The following FHIT variants were observed in gnomAD, a reference collection of about 807,000 sequenced individuals.
FHIT encodes fragile histidine triad diadenosine triphosphatase.
A neutral mutation model predicts 17.9 loss-of-function variants in FHIT; 19 were observed. The ratio of observed to expected loss-of-function variants is 1.06; its 90% confidence interval spans 0.74 to 1.56. FHIT has a LOEUF of 1.56. FHIT is among the 40% of genes most tolerant of loss of function. The pLI, the probability that FHIT is intolerant of heterozygous loss-of-function variation, is 0.00. For missense variants in FHIT, 248 were observed against 189.2 expected (o/e 1.31, Z -1.82); for synonymous variants, 81 against 69.7 (o/e 1.16, Z -0.81).
chr3:60,718,307 T>C (rs1436663248), intron 4 of FHIT, among the ~76,000 whole-genome samples: 1 of 152,210 alleles, frequency 6.6e-6, no homozygotes, highest in Non-Finnish European at 1.5e-5. Context: ...AAATGTCATG[T>C]CTCGTAATGA....
chr3:61,044,003 T>C (rs2033658196), intron 2 of FHIT, among the ~76,000 whole-genome samples: 1 of 151,916 alleles, frequency 6.6e-6, no homozygotes, highest in Admixed American at 6.5e-5. Context: ...AGACCAAAGG[T>C]ACATAAAACC....
intron 4 of FHIT, among the ~76,000 whole-genome samples, chr3:60,576,737 A>C (rs2037578210): frequency 6.6e-6 from 1 of 152,150 alleles, no homozygotes; most frequent in South Asian, 2.1e-4. Context: ...AGAAAGGTAC[A>C]ATCAGCCGGG....
At chr3:61,064,775 C>T (rs776231497) in intron 2 of FHIT, among the ~76,000 whole-genome samples, 1 of 152,142 alleles carries the variant, frequency 6.6e-6, no homozygotes, top group Non-Finnish European at 1.5e-5. Context: ...GACTAAATTG[C>T]TCTCACAGTT....
intron 4 of FHIT, among the ~76,000 whole-genome samples, chr3:60,802,725 T>A (rs782077533): frequency 2.6e-5 from 4 of 152,040 alleles, no homozygotes; most frequent in Non-Finnish European, 5.9e-5. Flanking sequence ...AAACCTAATA[T>A]GCTGCCTTCA....
At chr3:60,176,946 A>G (rs1473581603) in intron 5 of FHIT, among the ~76,000 whole-genome samples, 2 of 152,180 alleles carry the variant, frequency 1.3e-5, no homozygotes, top group Non-Finnish European at 2.9e-5. Flanking sequence ...AGGAGGGCAA[A>G]GCAAGGAGAA....
intron 5 of FHIT, among the ~76,000 whole-genome samples, chr3:60,402,055 T>A (rs1281217764): frequency 2.0e-5 from 3 of 151,928 alleles, no homozygotes; most frequent in Non-Finnish European, 4.4e-5. Context: ...TTACTAAGAG[T>A]CTTATTAAGG....
intron 2 of FHIT, among the ~76,000 whole-genome samples, chr3:61,160,962 C>T (rs1177251970): frequency 6.6e-6 from 1 of 152,074 alleles, no homozygotes; most frequent in African/African-American, 2.4e-5. Context: ...ATCTCCTTTG[C>T]AGAGTGTAAT....
chr3:61,224,659 C>A (rs2039924130), intron 1 of FHIT, among the ~76,000 whole-genome samples: 1 of 152,200 alleles, frequency 6.6e-6, no homozygotes, highest in Non-Finnish European at 1.5e-5. Flanking sequence ...ATCCACCCGC[C>A]TTGGCCTCCC....
At chr3:60,666,533 A>T (rs1458200050) in intron 4 of FHIT, among the ~76,000 whole-genome samples, 57 of 152,152 alleles carry the variant, frequency 3.7e-4, no homozygotes, top group Non-Finnish European at 7.4e-5. Context: ...TTTTATTTTT[A>T]AAAGATTAAT....
intron 5 of FHIT, among the ~76,000 whole-genome samples, chr3:60,386,112 T>A (rs115614770): frequency 2.8e-3 from 427 of 152,226 alleles, no homozygotes; most frequent in African/African-American, 0.01. Flanking sequence ...AGAGCAACCA[T>A]GTGGCAGAAC....
intron 4 of FHIT, among the ~76,000 whole-genome samples, chr3:60,640,224 C>T (rs1288865730): frequency 2.0e-5 from 3 of 152,108 alleles, no homozygotes; most frequent in African/African-American, 7.2e-5. Context: ...ATGGGTGTAT[C>T]CCTCTTTTAA....
rs113173943 is a variant in FHIT, at chr3:60,993,882, G to C, written c.-111+48165C>G. 4.8e-3 allele frequency among the ~76,000 whole-genome samples: 735 copies of C among 152,126 alleles called. 6 individuals carry two copies. Among genetic ancestry groups the C allele is most frequent in the African/African-American group, 0.017 (710 of 41,480 alleles). On this transcript the variant is annotated intron_variant, in intron 3 of 9. Transcript: ENST00000492590. ...TATCTTACTCTCCCTTTGTATGTAC[G>C]GCTAATGATATACACCTGGGCTGCC...
chr3:60,941,746 C>T (rs1708414820), intron 3 of FHIT, among the ~76,000 whole-genome samples: 1 of 152,182 alleles, frequency 6.6e-6, no homozygotes. Context: ...CGTTTGCACC[C>T]TCTGATCCCC....
chr3:60,435,982 C>T (rs1299497887), intron 5 of FHIT, among the ~76,000 whole-genome samples: 1 of 152,102 alleles, frequency 6.6e-6, no homozygotes, highest in African/African-American at 2.4e-5. Flanking sequence ...CTGCAAAGGA[C>T]ATGATCTTGT....
chr3:60,796,078 A>G (rs1182762451), intron 4 of FHIT, among the ~76,000 whole-genome samples: 4 of 152,042 alleles, frequency 2.6e-5, no homozygotes, highest in African/African-American at 9.7e-5. Context: ...CCCCTGATAA[A>G]CCCATCAGAT....
intron 3 of FHIT, among the ~76,000 whole-genome samples, chr3:60,851,145 C>T (rs1553748157): frequency 6.6e-6 from 1 of 152,096 alleles, no homozygotes; most frequent in Non-Finnish European, 1.5e-5. Context: ...TTAAGAAAGC[C>T]ACAATCCCAG....
chr3:61,093,662 T>C (rs2035552343), intron 2 of FHIT, among the ~76,000 whole-genome samples: 1 of 152,188 alleles, frequency 6.6e-6, no homozygotes, highest in Non-Finnish European at 1.5e-5. Context: ...ATGTAAGCTA[T>C]TGAGGAAGTG....
At chr3:60,952,994 T>C (rs576097466) in intron 3 of FHIT, among the ~76,000 whole-genome samples, 1 of 152,292 alleles carries the variant, frequency 6.6e-6, no homozygotes, top group African/African-American at 2.4e-5. Context: ...ATCTATCTTA[T>C]ATTCATTTAA....
At chr3:60,008,230 C>T (rs193175730) in intron 7 of FHIT, among the ~76,000 whole-genome samples, 1 of 152,192 alleles carries the variant, frequency 6.6e-6, no homozygotes, top group East Asian at 1.9e-4. Flanking sequence ...CTGTTTGGAT[C>T]TGTATGGTTG....
Sources: allele counts gnomAD v4.1 joint callset (sites outside exome capture counted in the v4.1 genomes callset), GRCh38; gene constraint gnomAD v4.1.1; transcripts MANE v1.5; gene names NCBI Gene and HGNC (gene_info 2026-07-23, HGNC 2026-07-21).